Variants in NLRP5 observed in about 807,000 individuals in gnomAD.
NLRP5 encodes the protein NACHT, LRR and PYD domains-containing protein 5.
In NLRP5, 93 loss-of-function variants were observed where a neutral mutation model predicts 113.1. That is an observed-to-expected ratio of 0.82 (90% confidence interval 0.70 to 0.98). The LOEUF (loss-of-function observed/expected upper bound fraction) is 0.98, where lower values mean the gene tolerates loss of function less well. Among genes scored for constraint, NLRP5 ranks in the 50% least tolerant of loss-of-function variants. The probability of loss-of-function intolerance (pLI) is 0.00; values close to 1 mark genes in which losing one functional copy is unlikely to be tolerated. For missense variants in NLRP5, 1,808 were observed against 1,514.3 expected (o/e 1.19, Z -3.22); for synonymous variants, 751 against 600.7 (o/e 1.25, Z -3.66).
At position 56,027,177 on chromosome 19, in the gene NLRP5, A is replaced by C; in HGVS notation, c.944A>C (p.Tyr315Ser). Residue 315 changes from tyrosine (Y) to serine (S), a missense_variant, in exon 7 of 15, where the codon TAC becomes TCC. Coordinates refer to ENST00000390649, the MANE Select transcript of NLRP5 (RefSeq NM_153447.4). Reference sequence around the variant, plus strand: ...GGACTCTACCAGGGAATGTTCTCCTACGTCTTCTTCCTCCCCGTTAGAGAG... The same window carrying C: ...GGACTCTACCAGGGAATGTTCTCCTCCGTCTTCTTCCTCCCCGTTAGAGAG... 1 of 1,607,732 alleles carries C rather than the reference A, an allele frequency of 6.2e-7. No individual in the cohort carries two copies. Among genetic ancestry groups the C allele is most frequent in the Non-Finnish European group, 8.5e-7 (1 of 1,177,188 alleles).
intron 14 of NLRP5, 131 bp from the exon 15 acceptor site, chr19:56,061,265 C>G: frequency 1.1e-6 from 1 of 892,768 alleles, no homozygotes. Flanking sequence ...ATTGGTTTAA[C>G]TCTTTGGGGC....
upstream of NLRP5, among the ~76,000 whole-genome samples, chr19:55,996,352 G>A (rs903992262): frequency 6.6e-6 from 1 of 151,290 alleles, no homozygotes; most frequent in African/African-American, 2.4e-5. Context: ...TTTTTTCTTT[G>A]TTCATCTTTT....
At chr19:55,999,694 G>C, upstream of NLRP5, 2 of 1,537,632 alleles carry the variant, frequency 1.3e-6, no homozygotes, top group Non-Finnish European at 1.8e-6. Context: ...CCCAGCCTTC[G>C]ATGTTCAGTT....
At chr19:55,996,417 A>G (rs769426705), upstream of NLRP5, among the ~76,000 whole-genome samples, 2 of 152,230 alleles carry the variant, frequency 1.3e-5, no homozygotes, top group East Asian at 3.9e-4. Context: ...TTTGTTACAT[A>G]TGTATACATG....
chr19:56,034,949 T>C (rs1332564794), intron 9 of NLRP5, among the ~76,000 whole-genome samples: 2 of 152,178 alleles, frequency 1.3e-5, no homozygotes, highest in African/African-American at 4.8e-5. Flanking sequence ...TATAGTTTTC[T>C]TTTCTTTTTG....
At chr19:56,011,096 T>C (rs528644609) in intron 3 of NLRP5, among the ~76,000 whole-genome samples, 3 of 151,784 alleles carry the variant, frequency 2.0e-5, no homozygotes, top group East Asian at 3.9e-4. Context: ...GAGGCTGCAT[T>C]GAGCCATGAT....
At chr19:56,046,466 G>A (rs541221643) in intron 11 of NLRP5, among the ~76,000 whole-genome samples, 23 of 150,700 alleles carry the variant, frequency 1.5e-4, no homozygotes, top group Admixed American at 1.5e-3. Context: ...GGGTGATGCT[G>A]GCTTCATAGA....
intron 3 of NLRP5, among the ~76,000 whole-genome samples, chr19:56,012,982 T>C (rs1028622190): frequency 1.3e-5 from 2 of 152,164 alleles, no homozygotes; most frequent in Non-Finnish European, 2.9e-5. Flanking sequence ...AACAAAGTTG[T>C]GTAACCATCA....
At chr19:56,011,129 G>A (rs1010840046) in intron 3 of NLRP5, among the ~76,000 whole-genome samples, 1 of 151,360 alleles carries the variant, frequency 6.6e-6, no homozygotes, top group African/African-American at 2.4e-5. Context: ...CTTCAGCCTG[G>A]GTGATAAAAT....
At chr19:56,025,419 T>C (rs1982803646) in intron 6 of NLRP5, among the ~76,000 whole-genome samples, 2 of 151,768 alleles carry the variant, frequency 1.3e-5, no homozygotes, top group Non-Finnish European at 2.9e-5. Flanking sequence ...TCTCTGTTTT[T>C]TTTTGAGATG....
rs774769276 is a variant in NLRP5, at chr19:56,007,888, TGCGC to T, written c.443-898_443-895del. ...GACAGTTTGTGTGTGTGTGTGTGTG[TGCGC>T]GTGCGCGCGTGCGTGTGTGTGTGTG... On this transcript the variant is annotated intron_variant, in intron 2 of 14. Transcript: ENST00000390649. Among the ~76,000 whole-genome samples, 563 of 67,990 alleles carry T rather than the reference TGCGC, an allele frequency of 8.3e-3. 31 individuals are homozygous for T. The highest frequency in any genetic ancestry group is 8.2e-3 in the East Asian group (23 of 2,794). The allele number at this position is 67,990 out of a possible 152,430, so 44.6% of individuals were successfully genotyped here.
intron 1 of NLRP5, among the ~76,000 whole-genome samples, chr19:56,001,903 G>C (rs1436116173): frequency 9.5e-5 from 14 of 147,008 alleles, no homozygotes; most frequent in Non-Finnish European, 1.0e-4. Context: ...AGTAATGGTG[G>C]GGGGAAAGGA....
intron 13 of NLRP5, among the ~76,000 whole-genome samples, chr19:56,057,418 C>T (rs570229177): frequency 5.9e-5 from 9 of 152,276 alleles, no homozygotes; most frequent in East Asian, 3.9e-4. Context: ...GCCCAGCCTC[C>T]GCTCTCACCA....
chr19:55,996,125 T>C (rs1234845675), upstream of NLRP5, among the ~76,000 whole-genome samples: 1 of 152,170 alleles, frequency 6.6e-6, no homozygotes, highest in African/African-American at 2.4e-5. Flanking sequence ...TTTGATGCCC[T>C]TTGTTTCTTT....
chr19:56,042,399 C>G (rs1317779939), intron 11 of NLRP5, among the ~76,000 whole-genome samples: 1 of 152,058 alleles, frequency 6.6e-6, no homozygotes, highest in Non-Finnish European at 1.5e-5. Context: ...GTTGGAGTGG[C>G]ATGGCGCAAT....
upstream of NLRP5, among the ~76,000 whole-genome samples, chr19:55,995,359 A>G (rs1007971940): frequency 6.6e-6 from 1 of 152,194 alleles, no homozygotes; most frequent in African/African-American, 2.4e-5. Flanking sequence ...AAAGTATTAA[A>G]AAAACTTAAA....
intron 2 of NLRP5, among the ~76,000 whole-genome samples, chr19:56,007,404 G>A (rs1229966613): frequency 1.3e-5 from 2 of 150,070 alleles, no homozygotes; most frequent in Admixed American, 1.3e-4. Flanking sequence ...TTCCAGATGA[G>A]AGGGAAGTTT....
intron 14 of NLRP5, among the ~76,000 whole-genome samples, chr19:56,059,042 A>G (rs1446140361): frequency 6.6e-6 from 1 of 152,152 alleles, no homozygotes; most frequent in East Asian, 1.9e-4. Context: ...TTTCCAAAGG[A>G]TTGGGGTGAG....
intron 13 of NLRP5, among the ~76,000 whole-genome samples, 176 bp from the exon 14 acceptor site, chr19:56,058,064 C>G (rs1005587397): frequency 6.8e-6 from 1 of 148,124 alleles, no homozygotes; most frequent in Non-Finnish European, 1.5e-5. Flanking sequence ...TTGGGTCTTT[C>G]ATCAGAACAA....
Sources: gnomAD v4.1 joint callset for allele counts (sites outside exome capture counted in the v4.1 genomes callset) on GRCh38, gnomAD v4.1.1 for gene constraint, MANE v1.5 for transcripts, NCBI Gene and HGNC (gene_info 2026-07-23, HGNC 2026-07-21) for gene names.